AADACL3: variants seen among roughly 807,000 people sequenced by gnomAD.
The protein encoded by AADACL3 is arylacetamide deacetylase like 3.
Under a neutral mutation model 13.6 loss-of-function variants are expected in AADACL3, and 13 were observed. The observed-to-expected ratio is 0.95, with a 90% CI of 0.62 to 1.52. The LOEUF is 1.52. AADACL3 is among the 40% of genes most tolerant of loss of function. AADACL3 has a pLI of 0.00. For missense variants in AADACL3, 519 were observed against 499.2 expected (o/e 1.04, Z -0.38); for synonymous variants, 195 against 197.0 (o/e 0.99, Z 0.08).
chr1:12,720,209 T>A (rs1422133704), intron 2 of AADACL3, among the ~76,000 whole-genome samples: 2 of 152,188 alleles, frequency 1.3e-5, no homozygotes, highest in African/African-American at 4.8e-5. Context: ...TTTACTGTCT[T>A]AGTTATTACC....
At position 12,716,192 on chromosome 1, in the gene AADACL3, C is replaced by T. The variant is rs867514872; in HGVS notation, c.16C>T (p.Leu6=). 47 of 991,036 alleles carry T rather than the reference C, an allele frequency of 4.7e-5. No homozygotes were observed. Among genetic ancestry groups the T allele is most frequent in the Non-Finnish European group, 7.1e-5 (44 of 623,230 alleles). The allele number at this position is 991,036 out of a possible 1,614,324, so 61.4% of individuals were successfully genotyped here. A position where few individuals can be genotyped will look rare whatever the true frequency, so the allele number is the denominator to read the frequency against. ...TGGAAGCAGCATGTGGGACCTGGCC[C>T]TGATCTTCCTCGCAGCAGCCTGCGT... MWDLA[L]IFLAAACVFS... Residue 6 remains leucine, a synonymous_variant, in exon 1 of 4, where the codon CTG becomes TTG. Transcript: ENST00000359318.
chr1:12,727,659 A>G lies in AADACL3; in HGVS notation c.*1663A>G, dbSNP rs1260463314. Reference sequence around the variant, plus strand: ...GGGCTGAACTATGAGGCAGAGAGGAATCCCATTGGGTGGCTCCTTGCTGCA... The same window carrying G: ...GGGCTGAACTATGAGGCAGAGAGGAGTCCCATTGGGTGGCTCCTTGCTGCA... On this transcript the variant is annotated 3_prime_UTR_variant, in exon 4 of 4. Coordinates refer to ENST00000359318, the MANE Select transcript of AADACL3 (RefSeq NM_001103170.3). The G allele has an allele frequency of 1.3e-5, 2 of 152,248 alleles. No homozygotes were observed. The highest frequency in any genetic ancestry group is 4.8e-5 in the African/African-American group (2 of 41,458). The allele number at this position is 152,248 out of a possible 1,614,324, so 9.4% of individuals were successfully genotyped here.
rs1638381063 is a variant in AADACL3 at position 12,726,914 on chromosome 1, A to G, written c.*918A>G. The stretch of plus-strand genomic sequence containing the variant: ...CAAATTGGCCTCTATTAGAAAGACA[A>G]TAGATTGGCTTAGGTAGGGATGCAT... On this transcript the variant is annotated 3_prime_UTR_variant, in exon 4 of 4. Coordinates refer to ENST00000359318, the MANE Select transcript of AADACL3 (RefSeq NM_001103170.3). 1 of 152,248 alleles carries G rather than the reference A, an allele frequency of 6.6e-6. No homozygotes were observed. Among genetic ancestry groups the G allele is most frequent in the African/African-American group, 2.4e-5 (1 of 41,454 alleles). 9.4% of individuals were successfully genotyped at this position (152,248 alleles called of 1,614,324 possible).
rs543069982 is a variant in AADACL3, at chr1:12,728,374, A to T, written c.*2378A>T. On this transcript the variant is annotated 3_prime_UTR_variant, in exon 4 of 4. Coordinates refer to ENST00000359318, the MANE Select transcript of AADACL3 (RefSeq NM_001103170.3). Reference sequence around the variant, plus strand: ...ATTTTTTGCTTTCCTTAGTGCATGTAAAAGTTACATTTCCACTATATTATA... The same window carrying T: ...ATTTTTTGCTTTCCTTAGTGCATGTTAAAGTTACATTTCCACTATATTATA... 6 of 152,330 alleles carry T rather than the reference A, an allele frequency of 3.9e-5. No homozygotes were observed. Among genetic ancestry groups the T allele is most frequent in the African/African-American group, 1.4e-4 (6 of 41,544 alleles). The allele number at this position is 152,330 out of a possible 1,614,324, so 9.4% of individuals were successfully genotyped here. A position where few individuals can be genotyped will look rare whatever the true frequency, so the allele number is the denominator to read the frequency against.
chr1:12,724,380 G>A (rs1557571901), intron 3 of AADACL3, among the ~76,000 whole-genome samples: 1 of 152,164 alleles, frequency 6.6e-6, no homozygotes, highest in African/African-American at 2.4e-5. Context: ...TGAGGAGAAT[G>A]TGCAAACTCC....
At chr1:12,721,100 G>T (rs1258224362) in intron 3 of AADACL3, among the ~76,000 whole-genome samples, 154 bp downstream of exon 3, 1 of 152,102 alleles carries the variant, frequency 6.6e-6, no homozygotes, top group Admixed American at 6.5e-5. Context: ...GGAGAAGCCA[G>T]TGAAGAGAGA....
rs1638357178 is a variant in AADACL3 at position 12,725,723 on chromosome 1, T to G, written c.951T>G (p.Val317=). 3 of 1,614,154 alleles carry G rather than the reference T, an allele frequency of 1.9e-6. No homozygotes were observed. The highest frequency in any genetic ancestry group is 2.5e-6 in the Non-Finnish European group (3 of 1,180,024). Residue 317 remains valine, a synonymous_variant, in exon 4 of 4, where the codon GTT becomes GTG. Transcript: ENST00000359318. ...MNEAAYLEVS[V]VLDVMCSPLI... ...AAGCTGCTTACTTGGAAGTAAGTGT[T>G]GTCCTGGATGTGATGTGCTCGCCCC...
chr1:12,723,850 C>A (rs918608392), intron 3 of AADACL3, among the ~76,000 whole-genome samples: 2 of 150,648 alleles, frequency 1.3e-5, no homozygotes, highest in Non-Finnish European at 2.9e-5. Flanking sequence ...AGAGCGCGAT[C>A]TCGGCTCACC....
intron 3 of AADACL3, among the ~76,000 whole-genome samples, chr1:12,722,578 T>A (rs552100957): frequency 3.7e-4 from 56 of 152,204 alleles, no homozygotes; most frequent in Non-Finnish European, 4.3e-4. Flanking sequence ...GTTAAGGGCA[T>A]TGCTTTCCAG....
At chr1:12,725,092 C>A in intron 3 of AADACL3, 130 bp from the exon 4 acceptor site, 1 of 993,740 alleles carries the variant, frequency 1.0e-6, no homozygotes, top group Non-Finnish European at 1.5e-6. Flanking sequence ...ATTTAAGCCT[C>A]ACACCTAACT....
chr1:12,724,165 G>A (rs57907405), intron 3 of AADACL3, among the ~76,000 whole-genome samples: 11,498 of 152,082 alleles, frequency 0.076, 495 homozygotes, highest in African/African-American at 0.13. Flanking sequence ...GTTCAGGGTC[G>A]TGGGTGGCTG....
chr1:12,716,367 C>G (rs758029667), intron 1 of AADACL3, 23 bp downstream of exon 1: 4 of 1,614,058 alleles, frequency 2.5e-6, no homozygotes, highest in Non-Finnish European at 2.5e-6. Flanking sequence ...CTTTATGTGT[C>G]CCCTCCAGCT....
intron 3 of AADACL3, 25 bp from the exon 4 acceptor site, chr1:12,725,197 A>G: frequency 2.5e-6 from 4 of 1,568,750 alleles, no homozygotes; most frequent in Middle Eastern, 3.4e-4. Context: ...GGCGTTATCA[A>G]CTGTGTTTCT....
At chr1:12,722,538 T>G (rs771352282) in intron 3 of AADACL3, among the ~76,000 whole-genome samples, 28 of 152,014 alleles carry the variant, frequency 1.8e-4, no homozygotes, top group Non-Finnish European at 3.8e-4. Context: ...GAAAGTTCTT[T>G]TCTAAATCCA....
intron 3 of AADACL3, among the ~76,000 whole-genome samples, chr1:12,722,768 C>T (rs1638291462): frequency 6.6e-6 from 1 of 151,522 alleles, no homozygotes; most frequent in Admixed American, 6.6e-5. Context: ...CTTAGCAATA[C>T]CAGGTAGGCA....
chr1:12,721,174 G>A (rs574486446), intron 3 of AADACL3, among the ~76,000 whole-genome samples: 1 of 152,240 alleles, frequency 6.6e-6, no homozygotes, highest in Non-Finnish European at 1.5e-5. Flanking sequence ...AGGCCACGGT[G>A]GGCAGAATGC....
rs983031172 is a variant in AADACL3, at chr1:12,725,424, C to G, written c.652C>G (p.Gln218Glu). 4 of 1,613,874 alleles carry G rather than the reference C, an allele frequency of 2.5e-6. No homozygotes were observed. The Admixed American group carries it at 5.0e-5, about 20-fold the overall frequency. Reference protein sequence around the residue: ...DRPDLPRIRAQILIYAILQAL... With the variant: ...DRPDLPRIRAEILIYAILQAL... ...GCCAGATCTGCCCCGGATCCGGGCT[C>G]AGATCCTGATCTATGCCATTCTCCA... The change falls in exon 4 of 4, where the codon CAG becomes GAG. Residue 218 changes from glutamine to glutamate, a missense_variant. By Grantham distance (29) the Gln-to-Glu change is conservative. Transcript: ENST00000359318.
In AADACL3 at chr1:12,720,918, G is replaced by A. The variant is rs1159868359; in HGVS notation, c.421G>A (p.Glu141Lys). 1.9e-6 allele frequency: 3 copies of A among 1,611,932 alleles called. No individual in the cohort carries two copies. The highest frequency in any genetic ancestry group is 2.2e-5 in the East Asian group (1 of 44,736). ...HHGICSRLCK[E>K]SDSVVLAVGY... ...TGGCATATGCTCTCGTTTGTGCAAG[G>A]AGAGTGACTCCGTGGTTCTGGCAGT... Residue 141 changes from glutamate to lysine, a missense_variant, in exon 3 of 4, where the codon GAG becomes AAG. Glu to Lys is a moderately conservative substitution (Grantham distance 56). Transcript: ENST00000359318.
At position 12,725,766 on chromosome 1, in the gene AADACL3, A is replaced by G; in HGVS notation, c.994A>G (p.Ile332Val). Reference sequence around the variant, plus strand: ...CTCGCCCCTGATTGCAGAAGATGACATAGTGTCTCAGCTCCCGGAAACCTG... The same window carrying G: ...CTCGCCCCTGATTGCAGAAGATGACGTAGTGTCTCAGCTCCCGGAAACCTG... ...MCSPLIAEDD[I>V]VSQLPETCIV... The change falls in exon 4 of 4, where the codon ATA becomes GTA. Residue 332 changes from isoleucine to valine, a missense_variant. Physicochemically the swap from Ile to Val is conservative, Grantham distance 29. Coordinates refer to ENST00000359318, the MANE Select transcript of AADACL3 (RefSeq NM_001103170.3). 6.2e-7 allele frequency: 1 copy of G among 1,614,140 alleles called. No individual in the cohort carries two copies. The highest frequency in any genetic ancestry group is 8.5e-7 in the Non-Finnish European group (1 of 1,180,032).
Sources: gnomAD v4.1 joint callset for allele counts (sites outside exome capture counted in the v4.1 genomes callset) on GRCh38, gnomAD v4.1.1 for gene constraint, MANE v1.5 for transcripts, NCBI Gene and HGNC (gene_info 2026-07-23, HGNC 2026-07-21) for gene names.